Variants in DIS3L2 observed in about 807,000 individuals in gnomAD.
DIS3L2 encodes DIS3-like exonuclease 2.
In DIS3L2, 34 loss-of-function variants were observed where a neutral mutation model predicts 97.5. The ratio of observed to expected loss-of-function variants is 0.35; its 90% CI spans 0.27 to 0.46. DIS3L2 has a LOEUF of 0.46. Ranked by LOEUF, DIS3L2 falls within the 20% of genes least tolerant of loss-of-function variation. The probability of loss-of-function intolerance (pLI) is 1.00; values close to 1 mark genes in which losing one functional copy is unlikely to be tolerated. For missense variants in DIS3L2, 1,038 were observed against 1,146.0 expected (o/e 0.91, Z 1.36); for synonymous variants, 435 against 445.2 (o/e 0.98, Z 0.29).
chr2:232,012,842 C>T (rs1425753489), intron 1 of DIS3L2, among the ~76,000 whole-genome samples: 3 of 152,178 alleles, frequency 2.0e-5, no homozygotes, highest in Non-Finnish European at 4.4e-5. Context: ...CTATGCCCTC[C>T]TCTGTATCTG....
At chr2:232,288,627 A>G (rs967991214) in intron 13 of DIS3L2, among the ~76,000 whole-genome samples, 17 of 152,346 alleles carry the variant, frequency 1.1e-4, no homozygotes, top group African/African-American at 3.8e-4. Context: ...ACTGAGGCCA[A>G]TTCCCTGGAA....
intron 1 of DIS3L2, among the ~76,000 whole-genome samples, chr2:232,011,056 C>T (rs922598386): frequency 3.3e-5 from 5 of 152,206 alleles, no homozygotes; most frequent in Non-Finnish European, 5.9e-5. Flanking sequence ...TTCCCCATTC[C>T]TCATCCTTCC....
intron 14 of DIS3L2, among the ~76,000 whole-genome samples, chr2:232,318,938 A>G (rs1407194029): frequency 6.6e-6 from 1 of 152,210 alleles, no homozygotes; most frequent in African/African-American, 2.4e-5. Flanking sequence ...CCCCAGGAGC[A>G]TTCCAGATAC....
chr2:231,969,890 T>C (rs906844724), intron 1 of DIS3L2, among the ~76,000 whole-genome samples: 2 of 151,998 alleles, frequency 1.3e-5, no homozygotes, highest in African/African-American at 2.4e-5. Context: ...TTTTTTTTTT[T>C]CGAGAGTGAA....
At chr2:232,256,972 G>A (rs1286341411) in intron 12 of DIS3L2, among the ~76,000 whole-genome samples, 1 of 151,976 alleles carries the variant, frequency 6.6e-6, no homozygotes, top group East Asian at 1.9e-4. Flanking sequence ...ACAAAAATTA[G>A]CCAGGCATGG....
chr2:232,343,361 A>T, exon 14 of DIS3L2: 4 of 1,557,218 alleles, frequency 2.6e-6, no homozygotes, highest in Non-Finnish European at 3.5e-6. Flanking sequence ...GCAGACAAGG[A>T]TGGGGCTGCC....
intron 10 of DIS3L2, among the ~76,000 whole-genome samples, chr2:232,226,281 C>CACCA (rs1158475979): frequency 6.6e-6 from 1 of 152,188 alleles, no homozygotes; most frequent in East Asian, 1.9e-4. Flanking sequence ...GAAAAGGCTG[C>CACCA]ACCACCATAT....
chr2:232,189,251 A>G (rs6728302), intron 9 of DIS3L2, among the ~76,000 whole-genome samples: 12,416 of 152,218 alleles, frequency 0.082, 1,343 homozygotes, highest in East Asian at 0.52. Flanking sequence ...GAAAACCTAC[A>G]TTCTCAAAAA....
In DIS3L2 at chr2:232,330,794, C is replaced by T; in HGVS notation, c.2010+18C>T. 2 of 1,605,790 alleles carry T rather than the reference C, an allele frequency of 1.2e-6. No individual in the cohort carries two copies. The highest frequency in any genetic ancestry group is 8.5e-7 in the Non-Finnish European group (1 of 1,179,296). On this transcript the variant is annotated intron_variant, in intron 16 of 20. Coordinates refer to ENST00000325385, the MANE Select transcript of DIS3L2 (RefSeq NM_152383.5). ...CCATGCAGGTAAGGAGGGCCCAGCCCCGGCCTCCCCTGCTCCCAGGAGCAC... is the reference window on the plus strand; with the variant it reads ...CCATGCAGGTAAGGAGGGCCCAGCCTCGGCCTCCCCTGCTCCCAGGAGCAC...
chr2:232,132,543 C>T (rs1450568040), intron 7 of DIS3L2, among the ~76,000 whole-genome samples: 1 of 152,182 alleles, frequency 6.6e-6, no homozygotes, highest in Non-Finnish European at 1.5e-5. Flanking sequence ...GCAGGGACCT[C>T]ACAACCCCCA....
intron 6 of DIS3L2, among the ~76,000 whole-genome samples, chr2:232,093,096 G>A (rs952336846): frequency 6.6e-5 from 10 of 152,092 alleles, no homozygotes; most frequent in Admixed American, 2.0e-4. Flanking sequence ...TTTTTATTAT[G>A]AATGGATGTT....
At chr2:232,096,112 A>C (rs1419388764) in intron 6 of DIS3L2, among the ~76,000 whole-genome samples, 1 of 139,576 alleles carries the variant, frequency 7.2e-6, no homozygotes, top group African/African-American at 2.7e-5. Flanking sequence ...TTTGAGACAG[A>C]GTCTCGCTCT....
chr2:232,067,240 G>T (rs1695876331), intron 5 of DIS3L2, among the ~76,000 whole-genome samples: 1 of 152,092 alleles, frequency 6.6e-6, no homozygotes, highest in Non-Finnish European at 1.5e-5. Context: ...TTGGCTAATT[G>T]ATTTAGTCCC....
chr2:232,029,002 T>G (rs1694734546), intron 4 of DIS3L2, among the ~76,000 whole-genome samples: 1 of 152,158 alleles, frequency 6.6e-6, no homozygotes, highest in African/African-American at 2.4e-5. Context: ...CCTCCCCCTT[T>G]TTTTGATTTG....
chr2:232,095,211 T>G (rs1334310363), intron 6 of DIS3L2, among the ~76,000 whole-genome samples: 1 of 152,202 alleles, frequency 6.6e-6, no homozygotes, highest in Non-Finnish European at 1.5e-5. Context: ...GTTTTTTGGT[T>G]GTTTTGTGGT....
At chr2:232,197,927 T>C (rs1215749364) in intron 9 of DIS3L2, among the ~76,000 whole-genome samples, 1 of 150,614 alleles carries the variant, frequency 6.6e-6, no homozygotes, top group African/African-American at 2.5e-5. Flanking sequence ...ACCGCACCAC[T>C]GCACTCCAGC....
intron 11 of DIS3L2, among the ~76,000 whole-genome samples, chr2:232,246,006 G>C (rs572302062): frequency 1.6e-4 from 25 of 152,378 alleles, no homozygotes; most frequent in Admixed American, 1.6e-3. Context: ...CTACACACTG[G>C]AAGTGCCTAC....
At chr2:232,295,742 A>G (rs973122725) in intron 13 of DIS3L2, among the ~76,000 whole-genome samples, 2 of 151,930 alleles carry the variant, frequency 1.3e-5, no homozygotes, top group Admixed American at 6.6e-5. Context: ...TCGTTTTTCA[A>G]CCTGTCACCC....
chr2:232,072,780 T>TGGGG (rs368243474), intron 5 of DIS3L2, among the ~76,000 whole-genome samples: 3 of 125,914 alleles, frequency 2.4e-5, no homozygotes, highest in African/African-American at 7.0e-5. Context: ...AGTTGGGATG[T>TGGGG]GGGGTGTGTG....
Sources: gnomAD v4.1 joint callset for allele counts (sites outside exome capture counted in the v4.1 genomes callset) on GRCh38, gnomAD v4.1.1 for gene constraint, MANE v1.5 for transcripts, NCBI Gene and HGNC (gene_info 2026-07-23, HGNC 2026-07-21) for gene names.